The following GFRA2 variants were observed in gnomAD, a reference collection of about 807,000 sequenced individuals.
GFRA2 encodes GDNF family receptor alpha 2, also known as GDNF family receptor alpha-2.
In GFRA2, 17 loss-of-function variants were observed where a neutral mutation model predicts 48.3. The ratio of observed to expected loss-of-function variants is 0.35; its 90% CI spans 0.24 to 0.53. The LOEUF is 0.53. GFRA2 is among the 20% of genes least tolerant of loss of function. The probability of loss-of-function intolerance (pLI) is 0.93; values close to 1 mark genes in which losing one functional copy is unlikely to be tolerated. For missense variants in GFRA2, 660 were observed against 637.3 expected (o/e 1.04, Z -0.38); for synonymous variants, 305 against 257.2 (o/e 1.19, Z -1.78).
intron 6 of GFRA2, among the ~76,000 whole-genome samples, chr8:21,704,400 C>T (rs941634508): frequency 1.3e-5 from 2 of 152,136 alleles, no homozygotes; most frequent in Non-Finnish European, 2.9e-5. Context: ...GGCACCTCCT[C>T]GATGACTTGG....
chr8:21,695,201 C>T (rs529538782), intron 7 of GFRA2, among the ~76,000 whole-genome samples: 1 of 152,288 alleles, frequency 6.6e-6, no homozygotes, highest in South Asian at 2.1e-4. Flanking sequence ...CCAAGATTGT[C>T]TACCCTGGTG....
chr8:21,718,507 C>A (rs1252697224), intron 4 of GFRA2, among the ~76,000 whole-genome samples: 1 of 152,142 alleles, frequency 6.6e-6, no homozygotes, highest in Admixed American at 6.5e-5. Flanking sequence ...GTGAACAGTG[C>A]CTGCAACACA....
chr8:21,779,796 C>T (rs1195364940), intron 2 of GFRA2: 3 of 152,252 alleles, frequency 2.0e-5, no homozygotes, highest in Admixed American at 6.5e-5. Context: ...AGAACATATT[C>T]GAGCCATCTC....
chr8:21,769,154 C>A, intron 3 of GFRA2: 1 of 984,010 alleles, frequency 1.0e-6, no homozygotes, highest in Non-Finnish European at 1.2e-6. Flanking sequence ...AGGTCTGATT[C>A]TCTTACAGCA....
chr8:21,735,491 C>T (rs1004343704), intron 4 of GFRA2, among the ~76,000 whole-genome samples: 20 of 152,104 alleles, frequency 1.3e-4, no homozygotes, highest in African/African-American at 4.8e-4. Context: ...GGCCAGTAGG[C>T]AAGGTGGTCC....
intron 7 of GFRA2, among the ~76,000 whole-genome samples, chr8:21,696,010 C>T (rs998183531): frequency 2.0e-5 from 3 of 151,876 alleles, no homozygotes; most frequent in African/African-American, 7.3e-5. Flanking sequence ...CATCCCTACC[C>T]CCAACAGAGC....
At chr8:21,719,660 G>C (rs1803500374) in intron 4 of GFRA2, among the ~76,000 whole-genome samples, 1 of 152,154 alleles carries the variant, frequency 6.6e-6, no homozygotes, top group Non-Finnish European at 1.5e-5. Flanking sequence ...AGTGTGGTTA[G>C]CCTTGAGCTA....
chr8:21,692,748 G>C lies in GFRA2; in HGVS notation c.*530C>G, dbSNP rs1259836338. ...CCCACCAGCCCCACCCGAGGGCAGA[G>C]AGGGAGGGCAAAACCATCTCCATCC... On this transcript the variant is annotated 3_prime_UTR_variant, in exon 9 of 9. Coordinates refer to ENST00000524240, the MANE Select transcript of GFRA2 (RefSeq NM_001495.5). 6.6e-6 allele frequency: 1 copy of C among 152,626 alleles called. No individual in the cohort carries two copies. Among genetic ancestry groups the C allele is most frequent in the African/African-American group, 2.4e-5 (1 of 41,474 alleles). 9.5% of individuals were successfully genotyped at this position (152,626 alleles called of 1,614,324 possible).
At chr8:21,748,354 T>C (rs1805112538) in intron 4 of GFRA2, among the ~76,000 whole-genome samples, 1 of 152,110 alleles carries the variant, frequency 6.6e-6, no homozygotes. Flanking sequence ...CATTTATCCA[T>C]TCAACTAACC....
At chr8:21,781,454 T>C (rs943309810) in intron 2 of GFRA2, among the ~76,000 whole-genome samples, 6 of 152,162 alleles carry the variant, frequency 3.9e-5, no homozygotes, top group African/African-American at 9.7e-5. Flanking sequence ...ACACTCTTCC[T>C]GCCTCCCTTC....
At chr8:21,792,127 A>G (rs368994199), upstream of GFRA2, among the ~76,000 whole-genome samples, 1 of 152,142 alleles carries the variant, frequency 6.6e-6, no homozygotes, top group Non-Finnish European at 1.5e-5. Flanking sequence ...CCTTTCTCTT[A>G]TCTCTCTAGT....
chr8:21,787,898 T>C (rs1254387797), intron 1 of GFRA2, among the ~76,000 whole-genome samples: 2 of 151,350 alleles, frequency 1.3e-5, no homozygotes, highest in Non-Finnish European at 2.9e-5. Context: ...GGATGTTGAG[T>C]CTCCCTCCCG....
chr8:21,797,258 C>A (rs1252367001), intron 2 of GFRA2, among the ~76,000 whole-genome samples: 1 of 148,758 alleles, frequency 6.7e-6, no homozygotes, highest in Non-Finnish European at 1.5e-5. Flanking sequence ...AATTGAGTGG[C>A]CTTTCTTTCT....
chr8:21,714,246 C>CTTTTTTTTTTTTTTTTTT (rs10674628), intron 4 of GFRA2, among the ~76,000 whole-genome samples: 3 of 78,400 alleles, frequency 3.8e-5, no homozygotes, highest in African/African-American at 5.2e-5. Context: ...GTCTGAAGTT[C>CTTTTTTTTTTTTTTTTTT]TTTTTTTTTT....
At chr8:21,709,423 C>T (rs1353058209) in intron 4 of GFRA2, among the ~76,000 whole-genome samples, 1 of 152,244 alleles carries the variant, frequency 6.6e-6, no homozygotes, top group Non-Finnish European at 1.5e-5. Context: ...CCATTGATTT[C>T]CTCATCCATA....
intron 3 of GFRA2, among the ~76,000 whole-genome samples, chr8:21,755,273 A>G (rs909642545): frequency 1.3e-5 from 2 of 152,072 alleles, no homozygotes; most frequent in African/African-American, 4.8e-5. Flanking sequence ...GCATCCCTCT[A>G]TAGAGGGATG....
At chr8:21,742,841 C>T (rs1006907870) in intron 4 of GFRA2, among the ~76,000 whole-genome samples, 6 of 152,172 alleles carry the variant, frequency 3.9e-5, no homozygotes, top group African/African-American at 1.2e-4. Flanking sequence ...AAACAGGATC[C>T]GCATCTCATC....
rs146314403 is a variant in GFRA2 at position 21,708,357 on chromosome 8, C to A, written c.795-2316G>T. ...CACATCCATCCCCCTCCGCAGCCAG[C>A]AAATGAGAGAGAGTGCTATGAGAGG... is the stretch of plus-strand genomic sequence containing the variant. On this transcript the variant is annotated intron_variant, in intron 4 of 8. Coordinates refer to ENST00000524240, the MANE Select transcript of GFRA2 (RefSeq NM_001495.5). 5.0e-3 allele frequency among the ~76,000 whole-genome samples: 759 copies of A among 152,294 alleles called. 5 individuals carry two copies. The highest frequency in any genetic ancestry group is 0.017 in the African/African-American group (693 of 41,568).
At chr8:21,789,733 C>G (rs1807496317), upstream of GFRA2, among the ~76,000 whole-genome samples, 1 of 151,912 alleles carries the variant, frequency 6.6e-6, no homozygotes, top group Non-Finnish European at 1.5e-5. Flanking sequence ...TTGCCTCCCG[C>G]CCGCCCCGGC....
Sources: gnomAD v4.1 joint callset for allele counts (sites outside exome capture counted in the v4.1 genomes callset) on GRCh38, gnomAD v4.1.1 for gene constraint, MANE v1.5 for transcripts, NCBI Gene and HGNC (gene_info 2026-07-23, HGNC 2026-07-21) for gene names.